MND1: variants seen among roughly 807,000 people sequenced by gnomAD.
MND1 encodes the protein meiotic nuclear division protein 1 homolog.
MND1 carries 28 observed loss-of-function variants against 35.1 expected under a neutral mutation model. The ratio of observed to expected loss-of-function variants is 0.80; its 90% confidence interval spans 0.59 to 1.09. The LOEUF (loss-of-function observed/expected upper bound fraction) is 1.09. Among genes scored for constraint, MND1 ranks in the 50% least tolerant of loss-of-function variants. The pLI, the probability that MND1 is intolerant of heterozygous loss-of-function variation, is 0.00. For missense variants in MND1, 213 were observed against 239.6 expected (o/e 0.89, Z 0.73); for synonymous variants, 69 against 70.5 (o/e 0.98, Z 0.11).
intron 4 of MND1, among the ~76,000 whole-genome samples, chr4:153,370,472 A>G (rs1773763654): frequency 1.3e-5 from 2 of 152,000 alleles, no homozygotes; most frequent in Admixed American, 6.5e-5. Flanking sequence ...CTTCCAAATT[A>G]TTATTAATGT....
At chr4:153,385,731 A>G (rs1000867346) in intron 4 of MND1, among the ~76,000 whole-genome samples, 8 of 148,748 alleles carry the variant, frequency 5.4e-5, no homozygotes, top group East Asian at 1.9e-4. Context: ...AAAAAAAAAA[A>G]AAAGAAAAGA....
At chr4:153,369,557 T>C (rs1160135037) in intron 4 of MND1, among the ~76,000 whole-genome samples, 2 of 152,272 alleles carry the variant, frequency 1.3e-5, no homozygotes, top group South Asian at 2.1e-4. Context: ...TTTTAAAAAC[T>C]AATGTACATT....
rs1729138086 is a variant in MND1, at chr4:153,394,265, T to A, written c.280T>A (p.Ser94Thr). The A allele has an allele frequency of 1.9e-6, 3 of 1,612,140 alleles. No homozygotes were observed. Among genetic ancestry groups the A allele is most frequent in the Non-Finnish European group, 2.5e-6 (3 of 1,178,682 alleles). Residue 94 changes from serine to threonine, a missense_variant, in exon 5 of 8, where the codon TCT becomes ACT. By Grantham distance (58) the Ser-to-Thr change is moderately conservative. Coordinates refer to ENST00000240488, the MANE Select transcript of MND1 (RefSeq NM_032117.4). ...HKLEVLESQL[S>T]EGSQKHASLQ... ...TTATTTGTTTTTGATTCTCTAGTTGTCTGAGGGAAGTCAAAAGCATGCAAG... is the reference window on the plus strand; with the variant it reads ...TTATTTGTTTTTGATTCTCTAGTTGACTGAGGGAAGTCAAAAGCATGCAAG...
chr4:153,413,717 G>A (rs1282173774), intron 7 of MND1, among the ~76,000 whole-genome samples: 1 of 150,974 alleles, frequency 6.6e-6, no homozygotes, highest in East Asian at 1.9e-4. Context: ...AAAATCCACT[G>A]TTCCTCCCAC....
chr4:153,345,242 G>A (rs1392203546), intron 1 of MND1: 34 of 725,958 alleles, frequency 4.7e-5, no homozygotes, highest in Non-Finnish European at 5.7e-5. Context: ...ATCCCAAAGC[G>A]CACTCCTGGT....
chr4:153,353,051 A>G lies in MND1; in HGVS notation c.70-2603A>G, dbSNP rs1341621390. On this transcript the variant is annotated intron_variant, in intron 2 of 7. Coordinates refer to ENST00000240488, the MANE Select transcript of MND1 (RefSeq NM_032117.4). ...ATTTAGGCAGATATCTCAGTGGTTC[A>G]TGTTCTTTTTCTAGGGAATTTAAAG... is the stretch of plus-strand genomic sequence containing the variant. 8.5e-5 allele frequency among the ~76,000 whole-genome samples: 13 copies of G among 152,088 alleles called. 1 individual carries two copies. Among genetic ancestry groups the G allele is most frequent in the Non-Finnish European group, 4.4e-5 (3 of 68,006 alleles).
chr4:153,410,226 A>T (rs578257052), intron 7 of MND1, among the ~76,000 whole-genome samples: 38 of 152,110 alleles, frequency 2.5e-4, no homozygotes, highest in African/African-American at 7.0e-4. Context: ...AAAAAAGTTC[A>T]TGTTTTCCAA....
At chr4:153,381,637 T>C (rs1401948100) in intron 4 of MND1, 1 of 123,088 alleles carries the variant, frequency 8.1e-6, no homozygotes, top group African/African-American at 3.1e-5. Flanking sequence ...ATAACATCTC[T>C]GGCTGCTATA....
chr4:153,387,010 A>T (rs1261908126), intron 4 of MND1, among the ~76,000 whole-genome samples: 1 of 152,218 alleles, frequency 6.6e-6, no homozygotes, highest in African/African-American at 2.4e-5. Flanking sequence ...GAATGCTCAC[A>T]TTTTAATCTT....
chr4:153,374,906 G>A lies in MND1; in HGVS notation c.276+16284G>A, dbSNP rs185467105. 1.8e-4 allele frequency among the ~76,000 whole-genome samples: 27 copies of A among 152,184 alleles called. No individual in the cohort carries two copies. The East Asian group carries it at 4.4e-3, about 25-fold the overall frequency. ...AACTTTGGCGGTTATTTTCTGTGTGGCTGCTCCGTGCATGTGCTGTGCTAA... is the reference window on the plus strand; with the variant it reads ...AACTTTGGCGGTTATTTTCTGTGTGACTGCTCCGTGCATGTGCTGTGCTAA... On this transcript the variant is annotated intron_variant, in intron 4 of 7. Transcript: ENST00000240488.
chr4:153,400,428 C>T (rs1579950606), intron 6 of MND1, among the ~76,000 whole-genome samples: 1 of 152,114 alleles, frequency 6.6e-6, no homozygotes, highest in Admixed American at 6.5e-5. Flanking sequence ...TGGCTCATGC[C>T]TGTAATCCCA....
At chr4:153,345,765 C>T (rs1773063216) in intron 1 of MND1, among the ~76,000 whole-genome samples, 1 of 152,262 alleles carries the variant, frequency 6.6e-6, no homozygotes, top group Admixed American at 6.5e-5. Flanking sequence ...TAAATGATAA[C>T]GGCTTCTTTG....
At position 153,397,215 on chromosome 4, in the gene MND1, G is replaced by T. The variant is rs1729220059; in HGVS notation, c.352-4G>T. On this transcript the variant is annotated splice_polypyrimidine_tract_variant and splice_region_variant and intron_variant, in intron 5 of 7. Transcript: ENST00000240488. Reference sequence around the variant, plus strand: ...AATTGAACATAAAACTATCTGGAATGCAGGAAGAGCGAACCAGGCTAGCAA... The same window carrying T: ...AATTGAACATAAAACTATCTGGAATTCAGGAAGAGCGAACCAGGCTAGCAA... 1.9e-6 allele frequency: 3 copies of T among 1,607,396 alleles called. No individual in the cohort carries two copies. Among genetic ancestry groups the T allele is most frequent in the Non-Finnish European group, 2.6e-6 (3 of 1,176,332 alleles).
At position 153,414,994 on chromosome 4, in the gene MND1, G is replaced by A. The variant is rs1290638334; in HGVS notation, c.*137G>A. 3 of 424,778 alleles carry A rather than the reference G, an allele frequency of 7.1e-6. No individual in the cohort carries two copies. The highest frequency in any genetic ancestry group is 8.6e-6 in the Non-Finnish European group (2 of 233,060). The allele number at this position is 424,778 out of a possible 1,614,324, so 26.3% of individuals were successfully genotyped here. A position where few individuals can be genotyped will look rare whatever the true frequency, so the allele number is the denominator to read the frequency against. On this transcript the variant is annotated 3_prime_UTR_variant, in exon 8 of 8. Coordinates refer to ENST00000240488, the MANE Select transcript of MND1 (RefSeq NM_032117.4). Reference sequence around the variant, plus strand: ...ATTAATGTTAAATAAAGTGTAAAATGCAGATGTTCTTCACCCCTTTTGGTA... The same window carrying A: ...ATTAATGTTAAATAAAGTGTAAAATACAGATGTTCTTCACCCCTTTTGGTA...
intron 3 of MND1, 195 bp downstream of exon 3, chr4:153,355,906 C>T (rs1773327734): frequency 2.0e-6 from 1 of 505,728 alleles, no homozygotes; most frequent in Non-Finnish European, 3.6e-6. Flanking sequence ...CTGTATAATA[C>T]ATCCTGTATA....
chr4:153,413,542 G>T (rs1200326221), intron 7 of MND1, among the ~76,000 whole-genome samples: 1 of 152,054 alleles, frequency 6.6e-6, no homozygotes, highest in South Asian at 2.1e-4. Flanking sequence ...GCCGGGTATG[G>T]TGGTGCACGC....
At chr4:153,412,340 G>A (rs1334796086) in intron 7 of MND1, among the ~76,000 whole-genome samples, 1 of 152,000 alleles carries the variant, frequency 6.6e-6, no homozygotes, top group African/African-American at 2.4e-5. Context: ...CAGATAGGGT[G>A]GCTTAAACAA....
At chr4:153,385,734 AG>A (rs1267181863) in intron 4 of MND1, among the ~76,000 whole-genome samples, 78 of 150,802 alleles carry the variant, frequency 5.2e-4, no homozygotes, top group African/African-American at 1.6e-3. Context: ...AAAAAAAAAA[AG>A]AAAAGAAAAT....
At chr4:153,375,267 T>C (rs1321014571) in intron 4 of MND1, among the ~76,000 whole-genome samples, 5 of 152,156 alleles carry the variant, frequency 3.3e-5, no homozygotes, top group Admixed American at 3.3e-4. Context: ...ATTGAGCACT[T>C]AGGTACAGTT....
Sources: gnomAD v4.1 joint callset for allele counts (sites outside exome capture counted in the v4.1 genomes callset) on GRCh38, gnomAD v4.1.1 for gene constraint, MANE v1.5 for transcripts, NCBI Gene and HGNC (gene_info 2026-07-23, HGNC 2026-07-21) for gene names.